Variants in UBXN7 observed in about 807,000 individuals in gnomAD.
UBXN7 encodes the protein UBX domain protein 7.
Under a neutral mutation model 58.0 loss-of-function variants are expected in UBXN7, and 9 were observed. That is an observed-to-expected ratio of 0.16 (90% confidence interval 0.09 to 0.27). The LOEUF is 0.27. UBXN7 is among the 10% of genes least tolerant of loss of function. The pLI, the probability that UBXN7 is intolerant of heterozygous loss-of-function variation, is 1.00. For missense variants in UBXN7, 328 were observed against 599.6 expected (o/e 0.55, Z 4.73); for synonymous variants, 208 against 205.0 (o/e 1.01, Z -0.12).
Position 196,353,649 on chromosome 3 carries a change from G to C in UBXN7, c.*3036C>G, listed in dbSNP as rs140485148. On this transcript the variant is annotated 3_prime_UTR_variant, in exon 11 of 11. Transcript: ENST00000296328. Reference sequence around the variant, plus strand: ...TTACAGGTGCACGCCACCACACCCAGGTAATTTTTGTATTTTTAGTAGAGA... The same window carrying C: ...TTACAGGTGCACGCCACCACACCCACGTAATTTTTGTATTTTTAGTAGAGA... 2 of 151,808 alleles carry C rather than the reference G, an allele frequency of 1.3e-5. No individual in the cohort carries two copies. Among genetic ancestry groups the C allele is most frequent in the African/African-American group, 2.4e-5 (1 of 41,294 alleles). The allele number at this position is 151,808 out of a possible 1,614,324, so 9.4% of individuals were successfully genotyped here.
At chr3:196,383,094 C>T (rs1729261558) in intron 5 of UBXN7, among the ~76,000 whole-genome samples, 1 of 150,346 alleles carries the variant, frequency 6.7e-6, no homozygotes, top group Admixed American at 6.6e-5. Flanking sequence ...CCAGCCTGGG[C>T]CACAAAGCAA....
chr3:196,394,289 A>T (rs1393631260), intron 3 of UBXN7, among the ~76,000 whole-genome samples: 1 of 148,470 alleles, frequency 6.7e-6, no homozygotes, highest in African/African-American at 2.5e-5. Flanking sequence ...TCCATCTCAA[A>T]AAAAAAAAAA....
At chr3:196,383,130 G>C (rs1356417468) in intron 5 of UBXN7, among the ~76,000 whole-genome samples, 1 of 148,700 alleles carries the variant, frequency 6.7e-6, no homozygotes, top group East Asian at 2.0e-4. Context: ...AAAAAAAAAA[G>C]AAAAAGAAAA....
At chr3:196,399,469 C>T (rs1032112221) in intron 3 of UBXN7, among the ~76,000 whole-genome samples, 3 of 152,058 alleles carry the variant, frequency 2.0e-5, no homozygotes, top group African/African-American at 4.8e-5. Flanking sequence ...CAGGGCCTCA[C>T]TCTGTTATAC....
intron 1 of UBXN7, among the ~76,000 whole-genome samples, chr3:196,420,076 TATGCACCC>T (rs1730631470): frequency 6.6e-6 from 1 of 152,168 alleles, no homozygotes; most frequent in African/African-American, 2.4e-5. Context: ...ACATTTTACC[TATGCACCC>T]AAGAGGGACT....
intron 7 of UBXN7, among the ~76,000 whole-genome samples, chr3:196,368,635 G>A (rs978870886): frequency 3.3e-5 from 5 of 152,084 alleles, no homozygotes; most frequent in Admixed American, 6.6e-5. Flanking sequence ...ATTCCCACCC[G>A]TAATGATAGG....
chr3:196,397,682 T>A (rs1415253932), intron 3 of UBXN7: 2 of 152,224 alleles, frequency 1.3e-5, no homozygotes, highest in African/African-American at 2.4e-5. Flanking sequence ...CCAATCAGCA[T>A]AGGGCCCTAC....
At chr3:196,425,734 CT>C (rs1276528776) in intron 1 of UBXN7, among the ~76,000 whole-genome samples, 4 of 152,036 alleles carry the variant, frequency 2.6e-5, no homozygotes, top group Middle Eastern at 3.4e-3. Context: ...ATTGTCTCCC[CT>C]CTCTCATCTC....
At chr3:196,362,163 T>G in intron 9 of UBXN7, 131 bp downstream of exon 9, 2 of 1,282,298 alleles carry the variant, frequency 1.6e-6, no homozygotes, top group Non-Finnish European at 2.1e-6. Context: ...CTGGCTAAGT[T>G]TTGTATTTTT....
chr3:196,360,691 T>C (rs1234343506), intron 10 of UBXN7, among the ~76,000 whole-genome samples: 3 of 152,182 alleles, frequency 2.0e-5, no homozygotes, highest in South Asian at 2.1e-4. Context: ...ACATCCATTC[T>C]GCAGCCCATG....
At chr3:196,369,288 G>T in intron 7 of UBXN7, 133 bp downstream of exon 7, 1 of 704,994 alleles carries the variant, frequency 1.4e-6, no homozygotes, top group South Asian at 1.7e-5. Context: ...TAATTATAAA[G>T]GGAAAAAAAC....
rs368893517 is a variant in UBXN7, at chr3:196,361,938, TA to T, written c.1229-16del. The T allele has an allele frequency of 0.16, 214,256 of 1,301,824 alleles. 13 individuals carry two copies. The highest frequency in any genetic ancestry group is 0.19 in the Middle Eastern group (852 of 4,494). 80.6% of individuals were successfully genotyped at this position (1,301,824 alleles called of 1,614,324 possible). A position where few individuals can be genotyped will look rare whatever the true frequency, so the allele number is the denominator to read the frequency against. ...TGCTTTTGGTCCTAAAGGAAGGGTTTAAAAAAAAAAAAAAAACGGGATACAG... is the reference window on the plus strand; with the variant it reads ...TGCTTTTGGTCCTAAAGGAAGGGTTTAAAAAAAAAAAAAAACGGGATACAG... On this transcript the variant is annotated splice_polypyrimidine_tract_variant and intron_variant, in intron 9 of 10. Coordinates refer to ENST00000296328, the MANE Select transcript of UBXN7 (RefSeq NM_015562.2).
intron 5 of UBXN7, among the ~76,000 whole-genome samples, chr3:196,390,183 C>T (rs541126553): frequency 6.6e-6 from 1 of 151,976 alleles, no homozygotes; most frequent in East Asian, 1.9e-4. Context: ...TTTGCCACTG[C>T]ACTCCATCCC....
intron 2 of UBXN7, among the ~76,000 whole-genome samples, chr3:196,404,215 T>C (rs1307357885): frequency 6.6e-6 from 1 of 152,114 alleles, no homozygotes; most frequent in Non-Finnish European, 1.5e-5. Flanking sequence ...ATAAGTATTA[T>C]TATATAAGCA....
chr3:196,361,938 T>TAAAA lies in UBXN7; in HGVS notation c.1229-19_1229-16dup. ...TGCTTTTGGTCCTAAAGGAAGGGTT[T>TAAAA]AAAAAAAAAAAAAAAACGGGATACA... On this transcript the variant is annotated splice_polypyrimidine_tract_variant and intron_variant, in intron 9 of 10. Transcript: ENST00000296328. 27 of 1,421,128 alleles carry TAAAA rather than the reference T, an allele frequency of 1.9e-5. No individual in the cohort carries two copies. The highest frequency in any genetic ancestry group is 4.2e-5 in the Admixed American group (2 of 47,866). The allele number at this position is 1,421,128 out of a possible 1,614,324, so 88.0% of individuals were successfully genotyped here.
chr3:196,403,171 C>T, intron 2 of UBXN7, 152 bp from the exon 3 acceptor site: 7 of 777,422 alleles, frequency 9.0e-6, no homozygotes, highest in Admixed American at 3.4e-5. Flanking sequence ...TTTGGGGGGG[C>T]GGTGGAGACA....
chr3:196,381,811 G>A (rs1424591741), intron 5 of UBXN7, among the ~76,000 whole-genome samples: 1 of 152,222 alleles, frequency 6.6e-6, no homozygotes, highest in African/African-American at 2.4e-5. Flanking sequence ...TGATGGAGCT[G>A]AAAACCACAG....
intron 1 of UBXN7, 70 bp from the exon 2 acceptor site, chr3:196,407,463 A>G (rs981614584): frequency 2.6e-6 from 4 of 1,521,152 alleles, no homozygotes; most frequent in Admixed American, 2.3e-5. Flanking sequence ...TCTTCAGCTC[A>G]TATTAGAATT....
Position 196,352,529 on chromosome 3 carries a change from A to G in UBXN7, c.*4156T>C, listed in dbSNP as rs1728240230. 1 of 152,106 alleles carries G rather than the reference A, an allele frequency of 6.6e-6. No individual in the cohort carries two copies. Among genetic ancestry groups the G allele is most frequent in the Non-Finnish European group, 1.5e-5 (1 of 68,020 alleles). 9.4% of individuals were successfully genotyped at this position (152,106 alleles called of 1,614,324 possible). Reference sequence around the variant, plus strand: ...CCAAAATATTGGGATTACAGGCATGAGCCACCACACCTGGCCAGGAATTAG... The same window carrying G: ...CCAAAATATTGGGATTACAGGCATGGGCCACCACACCTGGCCAGGAATTAG... On this transcript the variant is annotated 3_prime_UTR_variant, in exon 11 of 11. Coordinates refer to ENST00000296328, the MANE Select transcript of UBXN7 (RefSeq NM_015562.2). This position sits in a 1 kb window ranked among gnomAD's most constrained non-coding sequence, Gnocchi z 4.1.
Sources: allele counts gnomAD v4.1 joint callset (sites outside exome capture counted in the v4.1 genomes callset), GRCh38; gene constraint gnomAD v4.1.1; non-coding constraint Gnocchi (gnomAD v3.1); transcripts MANE v1.5; gene names NCBI Gene and HGNC (gene_info 2026-07-23, HGNC 2026-07-21).